PAX3: variants seen among roughly 807,000 people sequenced by gnomAD.
PAX3 encodes the protein paired box 3.
A neutral mutation model predicts 51.6 loss-of-function variants in PAX3; 14 were observed. The observed-to-expected ratio is 0.27, with a 90% CI of 0.18 to 0.42. The LOEUF (loss-of-function observed/expected upper bound fraction) is 0.42, where lower values mean the gene tolerates loss of function less well. PAX3 is among the 10% of genes least tolerant of loss of function. The pLI, the probability that PAX3 is intolerant of heterozygous loss-of-function variation, is 1.00. For synonymous variants in PAX3, 280 were observed against 253.4 expected, an observed-to-expected ratio of 1.11 and a Z score of -1.00; for missense variants, 540 against 642.8, an observed-to-expected ratio of 0.84 and a Z score of 1.73.
chr2:222,294,371 AC>A (rs370401650), intron 3 of PAX3, 70 bp from the exon 4 acceptor site: 20 of 1,564,636 alleles, frequency 1.3e-5, no homozygotes, highest in African/African-American at 9.5e-5. Flanking sequence ...TGCGGGAAGG[AC>A]CCCCCACCCC....
At chr2:222,202,636 A>T (rs1691345125) in intron 7 of PAX3, among the ~76,000 whole-genome samples, 1 of 152,120 alleles carries the variant, frequency 6.6e-6, no homozygotes. Flanking sequence ...TTATATTTTT[A>T]AAAGATAAAT....
intron 7 of PAX3, among the ~76,000 whole-genome samples, chr2:222,211,091 T>C (rs1029983749): frequency 6.6e-6 from 1 of 152,088 alleles, no homozygotes; most frequent in African/African-American, 2.4e-5. Flanking sequence ...GGTCTCAAAC[T>C]CCTAGACACA....
At chr2:222,237,822 A>G (rs1166690196) in intron 4 of PAX3, among the ~76,000 whole-genome samples, 1 of 152,198 alleles carries the variant, frequency 6.6e-6, no homozygotes, top group East Asian at 1.9e-4. Flanking sequence ...ATTTTGTATT[A>G]CAATGAATGT....
intron 7 of PAX3, among the ~76,000 whole-genome samples, chr2:222,205,668 G>C (rs1194256545): frequency 6.6e-6 from 1 of 152,060 alleles, no homozygotes. Context: ...GAGAAAACTT[G>C]AGAAATATAC....
At chr2:222,233,077 TGCAAAAAAAAAA>T (rs1692658379) in intron 4 of PAX3, 2 of 13,312 alleles carry the variant, frequency 1.5e-4, no homozygotes, top group Non-Finnish European at 1.2e-4. Context: ...AGAAAGCCAA[TGCAAAAAAAAAA>T]AAAAAAAAAA....
intron 4 of PAX3, among the ~76,000 whole-genome samples, chr2:222,262,227 AT>A: frequency 6.6e-6 from 1 of 152,340 alleles, no homozygotes; most frequent in African/African-American, 2.4e-5. Context: ...ATATAGCACA[AT>A]TTATTTATCC....
chr2:222,296,881 G>T, intron 2 of PAX3, 97 bp downstream of exon 2: 2 of 1,003,210 alleles, frequency 2.0e-6, no homozygotes, highest in Non-Finnish European at 3.0e-6. Flanking sequence ...ATAACTCATT[G>T]GAGAGCCCCA....
intron 4 of PAX3, among the ~76,000 whole-genome samples, chr2:222,259,709 T>C (rs1693771690): frequency 1.3e-5 from 2 of 152,194 alleles, no homozygotes; most frequent in Admixed American, 1.3e-4. Flanking sequence ...GGATCAGAAA[T>C]TCAGGACTTT....
In PAX3 at chr2:222,200,522, G is replaced by A. The variant is rs1691250823; in HGVS notation, c.*886C>T. 7 of 230,882 alleles carry A rather than the reference G, an allele frequency of 3.0e-5. No homozygotes were observed. The East Asian group carries it at 4.3e-4, about 14-fold the overall frequency. The allele number at this position is 230,882 out of a possible 1,614,324, so 14.3% of individuals were successfully genotyped here. On this transcript the variant is annotated 3_prime_UTR_variant, in exon 9 of 9. Coordinates refer to ENST00000392070, the MANE Select transcript of PAX3 (RefSeq NM_181458.4). ...CCTGCAAAAATATACTTCTGATTTT[G>A]CTTATATCGCCTTGGGCATTGCCAA...
At position 222,284,606 on chromosome 2, in the gene PAX3, TGTGTGC is replaced by T. The variant is rs1574746775; in HGVS notation, c.586+9555_586+9560del. Among the ~76,000 whole-genome samples, 4 of 59,182 alleles carry T rather than the reference TGTGTGC, an allele frequency of 6.8e-5. No individual in the cohort carries two copies. In the South Asian group the frequency reaches 3.0e-3, roughly 45 times the overall value. 38.8% of individuals were successfully genotyped at this position (59,182 alleles called of 152,430 possible). On this transcript the variant is annotated intron_variant, in intron 4 of 8. Coordinates refer to ENST00000392070, the MANE Select transcript of PAX3 (RefSeq NM_181458.4). ...GACTTAGTGGTGTGGGGTGTGTGTC[TGTGTGC>T]GTGTGTGTGTGTGTGTGTGTGTGTG...
rs531993126 is a variant in PAX3 at position 222,260,247 on chromosome 2, T to C, written c.587-27964A>G. 1.1e-4 allele frequency among the ~76,000 whole-genome samples: 16 copies of C among 149,990 alleles called. No homozygotes were observed. In the South Asian group the frequency reaches 1.3e-3, roughly 12 times the overall value. On this transcript the variant is annotated intron_variant, in intron 4 of 8. Coordinates refer to ENST00000392070, the MANE Select transcript of PAX3 (RefSeq NM_181458.4). ...CAAGATTGAAGTGGCAAATTAAGAC[T>C]ACATGTGAAAAAAAAACTATAGAAA...
chr2:222,211,430 T>C (rs1225640872), intron 7 of PAX3, among the ~76,000 whole-genome samples: 1 of 152,192 alleles, frequency 6.6e-6, no homozygotes, highest in African/African-American at 2.4e-5. Context: ...CTTCATTAGA[T>C]AGGAATTCTT....
intron 4 of PAX3, among the ~76,000 whole-genome samples, chr2:222,272,809 AAGGCAGGAAG>A (rs1156735237): frequency 6.6e-6 from 1 of 152,220 alleles, no homozygotes; most frequent in Non-Finnish European, 1.5e-5. Flanking sequence ...TGTGGACAAT[AAGGCAGGAAG>A]AATAGAAGCA....
chr2:222,220,336 C>G lies in PAX3; in HGVS notation c.977G>C (p.Ser326Thr), dbSNP rs552530067. The G allele has an allele frequency of 6.2e-7, 1 of 1,613,998 alleles. No individual in the cohort carries two copies. Among genetic ancestry groups the G allele is most frequent in the Admixed American group, 1.7e-5 (1 of 60,026 alleles). Residue 326 changes from serine to threonine, a missense_variant, in exon 7 of 9, where the codon AGC becomes ACC. By Grantham distance (58) the Ser-to-Thr change is moderately conservative. Around this residue, in one of 3 missense-constraint regions of PAX3, gnomAD observed 427 missense variants for 483.6 expected, o/e 0.88. Transcript: ENST00000392070. Reference protein sequence around the residue: ...SIPQAVSDPSSTVHRPQPLPP... With the variant: ...SIPQAVSDPSTTVHRPQPLPP... ...AAGCGGTTGAGGTCTGTGAACGGTG[C>G]TGCTGGGATCTGACACAGCTGAAAT...
At chr2:222,221,667 G>A in intron 5 of PAX3, 1 of 404,218 alleles carries the variant, frequency 2.5e-6, no homozygotes, top group South Asian at 2.3e-5. Flanking sequence ...AGCAGGAGTA[G>A]GAACAACAGG....
chr2:222,248,561 C>T (rs1319624474), intron 4 of PAX3, among the ~76,000 whole-genome samples: 1 of 152,196 alleles, frequency 6.6e-6, no homozygotes, highest in Non-Finnish European at 1.5e-5. Flanking sequence ...ACTCTTGTTG[C>T]AACCACACTT....
At chr2:222,290,345 T>G (rs953566948) in intron 4 of PAX3, among the ~76,000 whole-genome samples, 3 of 152,226 alleles carry the variant, frequency 2.0e-5, no homozygotes, top group Admixed American at 6.5e-5. Context: ...CACTTTTACT[T>G]TCTCCAATTT....
intron 4 of PAX3, among the ~76,000 whole-genome samples, chr2:222,273,973 C>T (rs965479147): frequency 2.0e-5 from 3 of 152,052 alleles, no homozygotes; most frequent in Non-Finnish European, 4.4e-5. Flanking sequence ...CAAGTAAATT[C>T]GGAGTTTGGT....
At chr2:222,213,944 A>C (rs941863871) in intron 7 of PAX3, among the ~76,000 whole-genome samples, 2 of 152,182 alleles carry the variant, frequency 1.3e-5, no homozygotes, top group Non-Finnish European at 2.9e-5. Flanking sequence ...GCTTTGACCT[A>C]TATCAACAGC....
Sources: allele counts gnomAD v4.1 joint callset (sites outside exome capture counted in the v4.1 genomes callset), GRCh38; gene constraint gnomAD v4.1.1; regional missense constraint gnomAD v4.1.1; transcripts MANE v1.5; gene names NCBI Gene and HGNC (gene_info 2026-07-23, HGNC 2026-07-21).